GPC3: variants seen among roughly 807,000 people sequenced by gnomAD.
GPC3 encodes glypican 3.
GPC3 carries 3 observed loss-of-function variants against 34.4 expected under a neutral mutation model. That is an observed-to-expected ratio of 0.09 (90% CI 0.04 to 0.23). The LOEUF is 0.23. GPC3 is among the 10% of genes least tolerant of loss of function. The pLI, the probability that GPC3 is intolerant of heterozygous loss-of-function variation, is 1.00. For synonymous variants in GPC3, 177 were observed against 174.0 expected, an observed-to-expected ratio of 1.02 and a Z score of -0.13; for missense variants, 351 against 445.6, an observed-to-expected ratio of 0.79 and a Z score of 1.91.
intron 2 of GPC3, among the ~76,000 whole-genome samples, chrX:133,944,813 T>C (rs1049436202): frequency 4.4e-5 from 5 of 112,447 alleles, no homozygotes; most frequent in Admixed American, 1.9e-4. Flanking sequence ...CCATGCATTT[T>C]ATTCCTATGG....
chrX:133,959,055 T>C (rs761829056), intron 1 of GPC3, among the ~76,000 whole-genome samples: 6 of 111,703 alleles, frequency 5.4e-5, no homozygotes, highest in Non-Finnish European at 1.1e-4. Context: ...GCTTTTCTTC[T>C]GGGGGATTAC....
chrX:133,779,137 C>T (rs926378497), intron 2 of GPC3, among the ~76,000 whole-genome samples: 2 of 111,840 alleles, frequency 1.8e-5, no homozygotes, highest in African/African-American at 6.5e-5. Flanking sequence ...TGACACTTTC[C>T]TTCCTAAATT....
intron 2 of GPC3, among the ~76,000 whole-genome samples, chrX:133,776,649 T>C (rs2071983880): frequency 9.0e-6 from 1 of 111,489 alleles, no homozygotes; most frequent in South Asian, 3.8e-4. Flanking sequence ...TCTTCCTGTC[T>C]TTGTTCACAC....
At chrX:133,858,293 G>A (rs975044902) in intron 2 of GPC3, among the ~76,000 whole-genome samples, 5 of 112,042 alleles carry the variant, frequency 4.5e-5, no homozygotes, top group East Asian at 2.8e-4. Flanking sequence ...AGGCGTCCCC[G>A]CTGGTGCTAA....
intron 7 of GPC3, among the ~76,000 whole-genome samples, chrX:133,555,580 C>A (rs1348682421): frequency 1.8e-5 from 2 of 111,896 alleles, no homozygotes; most frequent in East Asian, 5.7e-4. Flanking sequence ...GTAATCCCAG[C>A]ACTTTGGGAG....
intron 2 of GPC3, among the ~76,000 whole-genome samples, chrX:133,813,608 T>C (rs752279256): frequency 5.3e-5 from 6 of 112,591 alleles, no homozygotes; most frequent in African/African-American, 1.9e-4. Flanking sequence ...ATAATTCTGA[T>C]GCAGAATGAA....
intron 6 of GPC3, among the ~76,000 whole-genome samples, chrX:133,615,539 G>A (rs914285057): frequency 9.1e-6 from 1 of 110,176 alleles, no homozygotes; most frequent in Admixed American, 9.8e-5. Flanking sequence ...TCACTCATAA[G>A]TGGGAGCTGA....
chrX:133,556,976 C>T (rs1486075506), intron 7 of GPC3, among the ~76,000 whole-genome samples: 1 of 110,229 alleles, frequency 9.1e-6, no homozygotes, highest in Non-Finnish European at 1.9e-5. Flanking sequence ...TGCTATCACC[C>T]TAATGCAACT....
chrX:133,770,640 G>A (rs1416564041), intron 2 of GPC3, among the ~76,000 whole-genome samples: 1 of 111,856 alleles, frequency 8.9e-6, no homozygotes, highest in Non-Finnish European at 1.9e-5. Context: ...GTGACTTGCA[G>A]GATCAGAGAT....
intron 6 of GPC3, among the ~76,000 whole-genome samples, chrX:133,654,957 T>A (rs779409556): frequency 3.6e-5 from 4 of 111,727 alleles, no homozygotes; most frequent in East Asian, 5.7e-4. Flanking sequence ...GAAAAGTTCA[T>A]GTATTTCCCT....
intron 1 of GPC3, among the ~76,000 whole-genome samples, chrX:133,960,331 G>T (rs2076436287): frequency 9.1e-6 from 1 of 110,039 alleles, no homozygotes; most frequent in African/African-American, 3.3e-5. Context: ...GATGAAGAGT[G>T]CTGTTTAGGA....
chrX:133,959,823 C>T (rs780947307), intron 1 of GPC3, among the ~76,000 whole-genome samples: 2 of 112,035 alleles, frequency 1.8e-5, no homozygotes, highest in Non-Finnish European at 3.8e-5. Context: ...TATACGGTTA[C>T]GTGACAAAAT....
chrX:133,977,237 T>A (rs1272928542), intron 1 of GPC3, among the ~76,000 whole-genome samples: 4 of 111,702 alleles, frequency 3.6e-5, no homozygotes, highest in Non-Finnish European at 7.5e-5. Flanking sequence ...CTAGAGGATA[T>A]CATGATGAAT....
intron 7 of GPC3, among the ~76,000 whole-genome samples, chrX:133,563,750 G>T (rs1046516123): frequency 9.0e-6 from 1 of 111,298 alleles, no homozygotes; most frequent in Non-Finnish European, 1.9e-5. Context: ...TTCTGAAAAG[G>T]TTTTCCCAAA....
chrX:133,920,174 G>A (rs2076242088), intron 2 of GPC3, among the ~76,000 whole-genome samples: 1 of 107,014 alleles, frequency 9.3e-6, no homozygotes, highest in African/African-American at 3.4e-5. Flanking sequence ...AAAAAAAAAA[G>A]AAAAAGAAAG....
At chrX:133,893,571 G>C (rs1288797855) in intron 2 of GPC3, among the ~76,000 whole-genome samples, 1 of 111,617 alleles carries the variant, frequency 9.0e-6, no homozygotes, top group Non-Finnish European at 1.9e-5. Context: ...TAATGGTAGA[G>C]TCAACCAATA....
chrX:133,651,136 C>A (rs190396839), intron 6 of GPC3, among the ~76,000 whole-genome samples: 1 of 111,495 alleles, frequency 9.0e-6, no homozygotes, highest in Non-Finnish European at 1.9e-5. Context: ...AATCCCAAAA[C>A]AGTCCTTTTT....
intron 2 of GPC3, among the ~76,000 whole-genome samples, chrX:133,824,058 C>T (rs2075733719): frequency 1.1e-5 from 1 of 89,522 alleles, no homozygotes; most frequent in Non-Finnish European, 2.2e-5. Flanking sequence ...ACTAAAAACA[C>T]TAAAAAAAAA....
At chrX:133,957,790 G>C (rs2076422900) in intron 1 of GPC3, among the ~76,000 whole-genome samples, 1 of 111,302 alleles carries the variant, frequency 9.0e-6, no homozygotes, top group African/African-American at 3.3e-5. Context: ...TAGATATAAG[G>C]GACAAGTAAT....
Sources: allele counts gnomAD v4.1 joint callset (sites outside exome capture counted in the v4.1 genomes callset), GRCh38; gene constraint gnomAD v4.1.1; transcripts MANE v1.5; gene names NCBI Gene and HGNC (gene_info 2026-07-23, HGNC 2026-07-21).